Variants in SLFN12L observed in about 807,000 individuals in gnomAD.
SLFN12L encodes schlafen family member 12-like.
In SLFN12L, 34 loss-of-function variants were observed where a neutral mutation model predicts 34.8. The observed-to-expected ratio is 0.98, with a 90% confidence interval of 0.74 to 1.30. SLFN12L has a LOEUF of 1.30. Among genes scored for constraint, SLFN12L ranks in the 50% most tolerant of loss-of-function variants. SLFN12L has a pLI of 0.00. For missense variants in SLFN12L, 703 were observed against 696.2 expected (o/e 1.01, Z -0.11); for synonymous variants, 259 against 247.5 (o/e 1.05, Z -0.44).
chr17:35,481,385 T>C (rs1349185288), intron 2 of SLFN12L, among the ~76,000 whole-genome samples: 1 of 152,258 alleles, frequency 6.6e-6, no homozygotes, highest in Non-Finnish European at 1.5e-5. Context: ...GTGGTCATGC[T>C]CCTGGTCCAC....
intron 4 of SLFN12L, among the ~76,000 whole-genome samples, chr17:35,477,060 C>G (rs1409869422): frequency 6.6e-6 from 1 of 152,214 alleles, no homozygotes; most frequent in Admixed American, 6.5e-5. Flanking sequence ...TCCTGATCCT[C>G]TTACAGGCTC....
At chr17:35,489,862 C>T (rs1914760972) in intron 2 of SLFN12L, 4 of 709,908 alleles carry the variant, frequency 5.6e-6, no homozygotes, top group Non-Finnish European at 9.3e-6. Flanking sequence ...CATCTACTTC[C>T]GGAGAGGAAC....
Position 35,469,866 on chromosome 17 carries a change from T to A in SLFN12L, c.*5057A>T, listed in dbSNP as rs4239251. The stretch of plus-strand genomic sequence containing the variant: ...AGCCCATCAGAATTATTCAAACTAT[T>A]GAGTCCTAAGCTGTTCCCCCTGCCC... On this transcript the variant is annotated 3_prime_UTR_variant, in exon 5 of 5. Coordinates refer to ENST00000628453, the MANE Select transcript of SLFN12L (RefSeq NM_001363830.2). Among the ~76,000 whole-genome samples the A allele has an allele frequency of 6.6e-6, 1 of 151,930 alleles. No individual in the cohort carries two copies. The highest frequency in any genetic ancestry group is 6.5e-5 in the Admixed American group (1 of 15,270).
intron 2 of SLFN12L, among the ~76,000 whole-genome samples, chr17:35,501,039 G>C (rs1915277504): frequency 6.6e-6 from 1 of 152,238 alleles, no homozygotes; most frequent in African/African-American, 2.4e-5. Flanking sequence ...CTCAGTGTCT[G>C]AGGGGTTTTG....
chr17:35,487,500 G>C (rs1256712018), intron 2 of SLFN12L, among the ~76,000 whole-genome samples: 3 of 147,814 alleles, frequency 2.0e-5, no homozygotes, highest in East Asian at 2.1e-4. Flanking sequence ...AATAAGAAAC[G>C]GAGGCTGGAA....
intron 2 of SLFN12L, among the ~76,000 whole-genome samples, chr17:35,510,435 G>A (rs578036887): frequency 9.2e-5 from 14 of 152,314 alleles, no homozygotes; most frequent in African/African-American, 3.4e-4. Context: ...AAGAAATGAA[G>A]CACTGATGCA....
At chr17:35,507,112 G>T (rs371583462) in intron 2 of SLFN12L, among the ~76,000 whole-genome samples, 1 of 152,098 alleles carries the variant, frequency 6.6e-6, no homozygotes, top group Non-Finnish European at 1.5e-5. Context: ...CAAATTACCC[G>T]GCCAGTGGGC....
chr17:35,509,777 A>G (rs1187482567), intron 2 of SLFN12L, among the ~76,000 whole-genome samples: 1 of 151,716 alleles, frequency 6.6e-6, no homozygotes, highest in East Asian at 1.9e-4. Context: ...AGCTCACTGC[A>G]AGCTCCGCCT....
intron 2 of SLFN12L, among the ~76,000 whole-genome samples, chr17:35,493,426 C>T (rs1019496584): frequency 2.0e-4 from 30 of 152,176 alleles, no homozygotes; most frequent in African/African-American, 6.8e-4. Context: ...CTGATTTTCT[C>T]CAAAGTCTAA....
intron 1 of SLFN12L, among the ~76,000 whole-genome samples, chr17:35,523,867 G>A (rs544401612): frequency 3.3e-5 from 5 of 152,200 alleles, no homozygotes; most frequent in Admixed American, 2.0e-4. Flanking sequence ...CCCAGGAGGC[G>A]GAGGTTGCAG....
At chr17:35,506,260 A>T (rs530063136) in intron 2 of SLFN12L, among the ~76,000 whole-genome samples, 1 of 152,336 alleles carries the variant, frequency 6.6e-6, no homozygotes, top group African/African-American at 2.4e-5. Context: ...TAGAAACATG[A>T]TGTGGTTCTC....
intron 2 of SLFN12L, chr17:35,510,106 C>A (rs536885794): frequency 6.6e-6 from 1 of 152,324 alleles, no homozygotes; most frequent in African/African-American, 2.4e-5. Context: ...ATAGGAAGTA[C>A]AAAACAGCCA....
Position 35,474,063 on chromosome 17 carries a change from T to C in SLFN12L, c.*860A>G, listed in dbSNP as rs920661765. The stretch of plus-strand genomic sequence containing the variant: ...CCTCCCGAGTAGCTGGGACTACATG[T>C]GTGTGCCACCACACTTGGCTAATTT... On this transcript the variant is annotated 3_prime_UTR_variant, in exon 5 of 5. Transcript: ENST00000628453. The C allele has an allele frequency of 3.3e-5, 5 of 152,364 alleles. No homozygotes were observed. The highest frequency in any genetic ancestry group is 1.2e-4 in the African/African-American group (5 of 41,566). The allele number at this position is 152,364 out of a possible 1,614,324, so 9.4% of individuals were successfully genotyped here.
chr17:35,506,704 G>A (rs901359348), intron 2 of SLFN12L, among the ~76,000 whole-genome samples: 2 of 152,202 alleles, frequency 1.3e-5, no homozygotes, highest in Admixed American at 6.5e-5. Context: ...GTCTCTCAAT[G>A]TCACTTCATG....
intron 2 of SLFN12L, among the ~76,000 whole-genome samples, chr17:35,506,724 T>C (rs1915474817): frequency 6.6e-6 from 1 of 152,178 alleles, no homozygotes; most frequent in Non-Finnish European, 1.5e-5. Context: ...GTTATGTATG[T>C]GGAGGAACTG....
intron 2 of SLFN12L, chr17:35,498,358 T>C: frequency 2.9e-6 from 3 of 1,033,882 alleles, no homozygotes; most frequent in Non-Finnish European, 4.6e-6. Flanking sequence ...AATCTCACGG[T>C]ACACAGAGAA....
rs912710262 is a variant in SLFN12L at position 35,465,424 on chromosome 17, A to G, written c.*9499T>C. On this transcript the variant is annotated 3_prime_UTR_variant, in exon 5 of 5. Transcript: ENST00000628453. ...TGCCTTAAAGTATCTCGTATTGAAC[A>G]TAGACTCCATGTCACAATAAATAAT... Among the ~76,000 whole-genome samples, 3 of 152,062 alleles carry G rather than the reference A, an allele frequency of 2.0e-5. No homozygotes were observed. The highest frequency in any genetic ancestry group is 7.3e-5 in the African/African-American group (3 of 41,374).
intron 2 of SLFN12L, chr17:35,498,201 C>CTGGGGAGCCGGGGCCGCA: frequency 1.4e-6 from 1 of 722,988 alleles, no homozygotes; most frequent in Admixed American, 1.9e-5. Context: ...CCGGGGCCGC[C>CTGGGGAGCCGGGGCCGCA]TGGGATGTTC....
chr17:35,486,370 C>T (rs1914581300), intron 2 of SLFN12L, among the ~76,000 whole-genome samples: 1 of 152,110 alleles, frequency 6.6e-6, no homozygotes, highest in African/African-American at 2.4e-5. Context: ...CAGAAGGTGA[C>T]AGAAATCACA....
Sources: allele counts gnomAD v4.1 joint callset (sites outside exome capture counted in the v4.1 genomes callset), GRCh38; gene constraint gnomAD v4.1.1; transcripts MANE v1.5; gene names NCBI Gene and HGNC (gene_info 2026-07-23, HGNC 2026-07-21).